The following STK10 variants were observed in gnomAD, a reference collection of about 807,000 sequenced individuals.
STK10 encodes serine/threonine kinase 10.
STK10 carries 78 observed loss-of-function variants against 113.8 expected under a neutral mutation model. The ratio of observed to expected loss-of-function variants is 0.69; its 90% CI spans 0.57 to 0.83. The LOEUF (loss-of-function observed/expected upper bound fraction) is 0.83. STK10 is among the 40% of genes least tolerant of loss of function. The pLI is 0.00. For synonymous variants in STK10, 465 were observed against 494.7 expected, an observed-to-expected ratio of 0.94 and a Z score of 0.80; for missense variants, 1,109 against 1,280.1, an observed-to-expected ratio of 0.87 and a Z score of 2.04.
chr5:172,168,011 C>A lies in STK10; in HGVS notation c.157-11223G>T, dbSNP rs1770601057. Among the ~76,000 whole-genome samples the A allele has an allele frequency of 2.6e-5, 4 of 152,336 alleles. 1 individual carries two copies. The Middle Eastern group carries it at 0.014, about 518-fold the overall frequency. ...ATTTGCTACGGAAGTCTCCTAGCAA[C>A]CTGGCTGAGTGGCAGGTGTGAGGGA... On this transcript the variant is annotated intron_variant, in intron 1 of 18. Coordinates refer to ENST00000176763, the MANE Select transcript of STK10 (RefSeq NM_005990.4).
rs115172391 is a variant in STK10, at chr5:172,061,474, A to G, written c.2083-206T>C. Reference sequence around the variant, plus strand: ...GCTTCATCTGGATCCTGGATCAAAGAACAGTCTCGGTCTGTCACCAGAGCT... The same window carrying G: ...GCTTCATCTGGATCCTGGATCAAAGGACAGTCTCGGTCTGTCACCAGAGCT... On this transcript the variant is annotated intron_variant, in intron 13 of 18. Coordinates refer to ENST00000176763, the MANE Select transcript of STK10 (RefSeq NM_005990.4). 3.7e-3 allele frequency: 2,244 copies of G among 604,076 alleles called. 27 individuals are homozygous for G. The highest frequency in any genetic ancestry group is 0.026 in the African/African-American group (1,403 of 53,048). 37.4% of individuals were successfully genotyped at this position (604,076 alleles called of 1,614,324 possible).
chr5:172,188,139 G>A lies in STK10; in HGVS notation c.-97C>T, dbSNP rs969050436. On this transcript the variant is annotated 5_prime_UTR_variant, in exon 1 of 19. Transcript: ENST00000176763. The surrounding 1 kb of genome is among the most constrained non-coding windows in gnomAD (Gnocchi z 5.6). The stretch of plus-strand genomic sequence containing the variant: ...GAAGGAGGAGGAGTTGGAGGACGCC[G>A]CGTCTCTCGGGGTTCTCCCCAGACC... The A allele has an allele frequency of 1.3e-6, 2 of 1,501,234 alleles. No individual in the cohort carries two copies. Among genetic ancestry groups the A allele is most frequent in the African/African-American group, 1.4e-5 (1 of 71,792 alleles). The allele number at this position is 1,501,234 out of a possible 1,614,324, so 93.0% of individuals were successfully genotyped here. A position where few individuals can be genotyped will look rare whatever the true frequency, so the allele number is the denominator to read the frequency against.
chr5:172,114,937 C>CA (rs1769342247), intron 4 of STK10: 1 of 152,588 alleles, frequency 6.6e-6, no homozygotes, highest in Admixed American at 6.5e-5. Flanking sequence ...TCCACGCACT[C>CA]ACCGCCAACC....
At chr5:172,085,082 C>CA (rs904130822) in intron 10 of STK10, among the ~76,000 whole-genome samples, 11 of 151,406 alleles carry the variant, frequency 7.3e-5, no homozygotes, top group African/African-American at 2.7e-4. Context: ...TCATCTCTGC[C>CA]AAAAATACAA....
chr5:172,114,000 A>T (rs967825760), intron 4 of STK10, among the ~76,000 whole-genome samples: 1 of 152,200 alleles, frequency 6.6e-6, no homozygotes, highest in Admixed American at 6.5e-5. Context: ...TATCATCTGC[A>T]TATCTATTCC....
intron 18 of STK10, among the ~76,000 whole-genome samples, chr5:172,052,393 G>A (rs1447964526): frequency 1.3e-5 from 2 of 152,298 alleles, no homozygotes; most frequent in South Asian, 4.1e-4. Context: ...GCCCAGCCAC[G>A]CTGACAACGT....
At chr5:172,175,829 A>C (rs3776749) in intron 1 of STK10, among the ~76,000 whole-genome samples, 30,796 of 152,092 alleles carry the variant, frequency 0.2, 3,219 homozygotes, top group Middle Eastern at 0.25. Context: ...AGCCCTGCCA[A>C]AAAAAAGCTA....
In STK10 at chr5:172,093,255, G is replaced by A. The variant is rs545664039; in HGVS notation, c.1554+157C>T. 4.1e-3 allele frequency among the ~76,000 whole-genome samples: 626 copies of A among 152,268 alleles called. 5 individuals are homozygous for A. Among genetic ancestry groups the A allele is most frequent in the African/African-American group, 0.014 (599 of 41,548 alleles). On this transcript the variant is annotated intron_variant, in intron 9 of 18. Coordinates refer to ENST00000176763, the MANE Select transcript of STK10 (RefSeq NM_005990.4). The surrounding 1 kb of genome is among the most constrained non-coding windows in gnomAD (Gnocchi z 4.1). The stretch of plus-strand genomic sequence containing the variant: ...ATTCCTAAATCCCATATTGAACCCA[G>A]ATATTTTGGAGATTAAACTATGAGT...
At chr5:172,175,633 C>T (rs1470106566) in intron 1 of STK10, among the ~76,000 whole-genome samples, 1 of 152,096 alleles carries the variant, frequency 6.6e-6, no homozygotes, top group Non-Finnish European at 1.5e-5. Flanking sequence ...CACCATCCAT[C>T]GCCATCCAGC....
chr5:172,141,763 A>G (rs905254007), intron 2 of STK10, among the ~76,000 whole-genome samples: 1 of 152,040 alleles, frequency 6.6e-6, no homozygotes, highest in African/African-American at 2.4e-5. Flanking sequence ...ATGCGCTCTC[A>G]GAGGGTGTCT....
At chr5:172,127,179 G>A (rs1769639273) in intron 3 of STK10, among the ~76,000 whole-genome samples, 194 bp downstream of exon 3, 1 of 151,850 alleles carries the variant, frequency 6.6e-6, no homozygotes, top group Non-Finnish European at 1.5e-5. Flanking sequence ...CTCAAAAAGA[G>A]AAAGAAAGAA....
intron 18 of STK10, among the ~76,000 whole-genome samples, chr5:172,050,739 G>T (rs1407611756): frequency 3.3e-5 from 5 of 151,238 alleles, no homozygotes; most frequent in Non-Finnish European, 5.9e-5. Context: ...TTTTGCGAGG[G>T]TCTCAATCTG....
chr5:172,134,289 T>C lies in STK10; in HGVS notation c.322-6868A>G, dbSNP rs115599446. The stretch of plus-strand genomic sequence containing the variant: ...GCCTCAAACCAAAGAGTGAGGGGCT[T>C]TGGTAGGATGTATGATCATCCTCAT... On this transcript the variant is annotated intron_variant, in intron 2 of 18. Coordinates refer to ENST00000176763, the MANE Select transcript of STK10 (RefSeq NM_005990.4). Among the ~76,000 whole-genome samples, 431 of 152,326 alleles carry C rather than the reference T, an allele frequency of 2.8e-3. 4 individuals are homozygous for C. The highest frequency in any genetic ancestry group is 9.6e-3 in the African/African-American group (398 of 41,576).
rs77630645 is a variant in STK10 at position 172,056,275 on chromosome 5, T to G, written c.2338-499A>C. Among the ~76,000 whole-genome samples the G allele has an allele frequency of 3.2e-4, 49 of 152,328 alleles. 1 individual carries two copies. The East Asian group carries it at 7.5e-3, about 23-fold the overall frequency. ...ATGGCCCTATACTGACTTCCATCACTGCATTTAGATAAGAAACTGGAATTA... is the reference window on the plus strand; with the variant it reads ...ATGGCCCTATACTGACTTCCATCACGGCATTTAGATAAGAAACTGGAATTA... On this transcript the variant is annotated intron_variant, in intron 15 of 18. Coordinates refer to ENST00000176763, the MANE Select transcript of STK10 (RefSeq NM_005990.4).
chr5:172,066,512 C>T (rs538055701), intron 12 of STK10, among the ~76,000 whole-genome samples: 26 of 152,250 alleles, frequency 1.7e-4, no homozygotes, highest in African/African-American at 5.5e-4. Flanking sequence ...GAAGGCCAGG[C>T]GGAGTGGCTC....
chr5:172,102,038 G>A (rs925912378), intron 7 of STK10, among the ~76,000 whole-genome samples: 2 of 152,144 alleles, frequency 1.3e-5, no homozygotes, highest in Non-Finnish European at 2.9e-5. Flanking sequence ...TGAAACGGGA[G>A]CCACTGGGGA....
At chr5:172,049,135 G>A (rs962290472) in intron 18 of STK10, among the ~76,000 whole-genome samples, 28 of 152,214 alleles carry the variant, frequency 1.8e-4, no homozygotes, top group Admixed American at 4.6e-4. Context: ...CTAGAAGGTC[G>A]GTTCTTCCGG....
intron 12 of STK10, among the ~76,000 whole-genome samples, chr5:172,065,050 T>A (rs1180652909): frequency 6.6e-6 from 1 of 152,204 alleles, no homozygotes; most frequent in Non-Finnish European, 1.5e-5. Context: ...GGTGCTGTTT[T>A]CAGCAGCTTG....
intron 12 of STK10, among the ~76,000 whole-genome samples, chr5:172,071,385 G>T (rs1768179917): frequency 7.5e-6 from 1 of 134,092 alleles, no homozygotes; most frequent in Non-Finnish European, 1.6e-5. Flanking sequence ...TCTGGACACA[G>T]CAACTATGGT....
Sources: gnomAD v4.1 joint callset for allele counts (sites outside exome capture counted in the v4.1 genomes callset) on GRCh38, gnomAD v4.1.1 for gene constraint, Gnocchi (gnomAD v3.1) non-coding constraint, MANE v1.5 for transcripts, NCBI Gene and HGNC (gene_info 2026-07-23, HGNC 2026-07-21) for gene names.